The following MYLK variants were observed in gnomAD, a reference collection of about 807,000 sequenced individuals.
The protein encoded by MYLK is myosin light chain kinase, smooth muscle.
Under a neutral mutation model 203.4 loss-of-function variants are expected in MYLK, and 106 were observed. That is an observed-to-expected ratio of 0.52 (90% CI 0.45 to 0.61). The LOEUF (loss-of-function observed/expected upper bound fraction) is 0.61, where lower values mean the gene tolerates loss of function less well. Ranked by LOEUF, MYLK falls within the 20% of genes least tolerant of loss-of-function variation. The probability of loss-of-function intolerance (pLI) is 0.00; values close to 1 mark genes in which losing one functional copy is unlikely to be tolerated. For missense variants in MYLK, 2,072 were observed against 2,442.3 expected (o/e 0.85, Z 3.20); for synonymous variants, 867 against 959.5 (o/e 0.90, Z 1.78).
chr3:123,758,671 C>CGCTTGAATTGT (rs1251910340), intron 4 of MYLK, among the ~76,000 whole-genome samples: 1 of 152,190 alleles, frequency 6.6e-6, no homozygotes, highest in East Asian at 1.9e-4. Flanking sequence ...GGTTACAATT[C>CGCTTGAATTGT]AAGCCCTTCT....
intron 33 of MYLK, chr3:123,618,339 CAA>C (rs1181843336): frequency 2.5e-6 from 1 of 392,338 alleles, no homozygotes; most frequent in African/African-American, 2.1e-5. Context: ...AAGCATGTTC[CAA>C]AGCCAGGTAA....
chr3:123,758,688 C>T (rs560351787), intron 4 of MYLK, among the ~76,000 whole-genome samples: 95 of 152,280 alleles, frequency 6.2e-4, no homozygotes, highest in Non-Finnish European at 1.0e-3. Context: ...TTCTGGACCG[C>T]TTAATCAAAA....
rs115814654 is a variant in MYLK, at chr3:123,653,962, C to T, written c.4288+3164G>A. On this transcript the variant is annotated intron_variant, in intron 24 of 33. Coordinates refer to ENST00000360304, the MANE Select transcript of MYLK (RefSeq NM_053025.4). ...TGGGACCCACACTCTATGCAGCCCC[C>T]ACTCTGCTCATTTCAGAGGGATGTT... 5.4e-3 allele frequency among the ~76,000 whole-genome samples: 816 copies of T among 151,538 alleles called. 11 individuals are homozygous for T. The highest frequency in any genetic ancestry group is 0.018 in the African/African-American group (735 of 41,304).
At chr3:123,856,545 C>A (rs933783669) in intron 2 of MYLK, among the ~76,000 whole-genome samples, 1 of 152,090 alleles carries the variant, frequency 6.6e-6, no homozygotes, top group African/African-American at 2.4e-5. Flanking sequence ...TAATGGGGAC[C>A]TTCTTTATGT....
At chr3:123,828,518 G>T (rs559321067) in intron 3 of MYLK, among the ~76,000 whole-genome samples, 7 of 152,096 alleles carry the variant, frequency 4.6e-5, no homozygotes, top group Admixed American at 6.5e-5. Context: ...GAAAACATAA[G>T]GAAAATGCCT....
chr3:123,645,325 AACT>A (rs1463455378), intron 27 of MYLK, among the ~76,000 whole-genome samples: 1 of 152,194 alleles, frequency 6.6e-6, no homozygotes, highest in East Asian at 1.9e-4. Context: ...CTACACTCGG[AACT>A]ACTATTGCCT....
intron 3 of MYLK, among the ~76,000 whole-genome samples, chr3:123,796,567 A>G (rs1403822446): frequency 1.3e-5 from 2 of 152,250 alleles, no homozygotes; most frequent in Non-Finnish European, 2.9e-5. Flanking sequence ...TGCACCAAAC[A>G]AAGGTCTTTA....
chr3:123,640,218 A>T lies in MYLK; in HGVS notation c.4837+69T>A, dbSNP rs1235826541. On this transcript the variant is annotated intron_variant, in intron 28 of 33. Transcript: ENST00000360304. The surrounding 1 kb of genome is among the most constrained non-coding windows in gnomAD (Gnocchi z 4.3). The stretch of plus-strand genomic sequence containing the variant: ...CCCAATACTGTATGTTTCCTCTCAC[A>T]CTCAGTGTGAGAGGAAACGGCCAGT... The T allele has an allele frequency of 1.4e-6, 2 of 1,436,912 alleles. No homozygotes were observed. Among genetic ancestry groups the T allele is most frequent in the Admixed American group, 3.4e-5 (2 of 59,598 alleles). The allele number at this position is 1,436,912 out of a possible 1,614,324, so 89.0% of individuals were successfully genotyped here.
At chr3:123,789,676 A>AAAAG (rs1560219704) in intron 4 of MYLK, among the ~76,000 whole-genome samples, 1 of 145,590 alleles carries the variant, frequency 6.9e-6, no homozygotes, top group Non-Finnish European at 1.5e-5. Context: ...AAAAAAAAAA[A>AAAAG]AAGAAGGAAC....
chr3:123,709,551 C>G, intron 14 of MYLK: 1 of 672,012 alleles, frequency 1.5e-6, no homozygotes, highest in Admixed American at 2.2e-5. Context: ...TTCCTCTGGA[C>G]CATTTAATCA....
chr3:123,827,760 CA>C (rs1377953745), intron 3 of MYLK, among the ~76,000 whole-genome samples: 1 of 71,856 alleles, frequency 1.4e-5, no homozygotes, highest in Middle Eastern at 0.015. Flanking sequence ...AAGACTCTAC[CA>C]AAAAACTTAG....
At chr3:123,776,835 G>A (rs1303019882) in intron 4 of MYLK, among the ~76,000 whole-genome samples, 1 of 152,208 alleles carries the variant, frequency 6.6e-6, no homozygotes. Context: ...GGTAAAGGAT[G>A]GGATTGAATT....
rs746239128 is a variant in MYLK, at chr3:123,737,506, A to C, written c.626T>G (p.Val209Gly). The change falls in exon 8 of 34, where the codon GTG (valine) becomes GGG (glycine). Residue 209 changes from valine to glycine, a missense_variant. By Grantham distance (109) the Val-to-Gly change is moderately radical. This residue lies in a region of MYLK where 683 missense variants were observed against 643.8 expected (regional missense o/e 1.06). Transcript: ENST00000360304. ...VPLQPSARVSVSEKNGMQVLE... is the reference protein window; with the variant it reads ...VPLQPSARVSGSEKNGMQVLE... ...AACCTGCATGCCGTTCTTCTCAGACACAGACACACGGGCACTCGGCTGCAG... is the reference window on the plus strand; with the variant it reads ...AACCTGCATGCCGTTCTTCTCAGACCCAGACACACGGGCACTCGGCTGCAG... 8 of 1,614,038 alleles carry C rather than the reference A, an allele frequency of 5.0e-6. No individual in the cohort carries two copies. The East Asian group carries it at 1.8e-4, about 36-fold the overall frequency.
intron 4 of MYLK, among the ~76,000 whole-genome samples, chr3:123,756,544 C>A (rs2063365078): frequency 6.6e-6 from 1 of 152,164 alleles, no homozygotes; most frequent in Non-Finnish European, 1.5e-5. Flanking sequence ...ATCTAAGGTT[C>A]CTCCCATCTC....
At chr3:123,693,916 C>A (rs542870588) in intron 18 of MYLK, among the ~76,000 whole-genome samples, 97 of 152,326 alleles carry the variant, frequency 6.4e-4, no homozygotes, top group African/African-American at 2.2e-3. Flanking sequence ...AGAGCCAGGG[C>A]CACATGCACT....
intron 5 of MYLK, among the ~76,000 whole-genome samples, chr3:123,749,167 T>C (rs868105404): frequency 2.6e-5 from 4 of 151,572 alleles, no homozygotes; most frequent in Non-Finnish European, 5.9e-5. Context: ...TAGTCCCAGC[T>C]ACTTGGGAGG....
chr3:123,646,124 A>AAAC (rs746848643), intron 27 of MYLK, among the ~76,000 whole-genome samples: 13 of 152,326 alleles, frequency 8.5e-5, no homozygotes, highest in South Asian at 8.3e-4. Flanking sequence ...ACTCTGTCTC[A>AAAC]AACAACAACA....
At position 123,620,208 on chromosome 3, in the gene MYLK, T is replaced by C; in HGVS notation, c.5367A>G (p.Glu1789=). Residue 1789 remains glutamate, a splice_region_variant and synonymous_variant, in exon 32 of 34, where the codon GAA becomes GAG. Transcript: ENST00000360304. ...CTGGCTGGAGAAACTCCTCCTTACC[T>C]TCAGATTCTAGTTTTTCTGCATTGA... ...SPLNAEKLES[E]EDVSQAFLEA... The C allele has an allele frequency of 6.2e-7, 1 of 1,613,828 alleles. No homozygotes were observed. Among genetic ancestry groups the C allele is most frequent in the East Asian group, 2.2e-5 (1 of 44,878 alleles).
In MYLK at chr3:123,703,659, A is replaced by C. The variant is rs533970494; in HGVS notation, c.2391-2150T>G. On this transcript the variant is annotated intron_variant, in intron 16 of 33. Coordinates refer to ENST00000360304, the MANE Select transcript of MYLK (RefSeq NM_053025.4). The stretch of plus-strand genomic sequence containing the variant: ...TCTCAACACTTAAAAAGGCTTATGG[A>C]CTTTGGGTGAGCTTGTAGAATAACT... Among the ~76,000 whole-genome samples the C allele has an allele frequency of 6.6e-5, 10 of 150,752 alleles. No homozygotes were observed. In the East Asian group the frequency reaches 2.1e-3, roughly 31 times the overall value.
Sources: allele counts gnomAD v4.1 joint callset (sites outside exome capture counted in the v4.1 genomes callset), GRCh38; gene constraint gnomAD v4.1.1; regional missense constraint gnomAD v4.1.1; non-coding constraint Gnocchi (gnomAD v3.1); transcripts MANE v1.5; gene names NCBI Gene and HGNC (gene_info 2026-07-23, HGNC 2026-07-21).